The following SIRPG variants were observed in gnomAD, a reference collection of about 807,000 sequenced individuals.
The protein encoded by SIRPG is signal-regulatory protein gamma.
In SIRPG, 38 loss-of-function variants were observed where a neutral mutation model predicts 35.7. The ratio of observed to expected loss-of-function variants is 1.06; its 90% CI spans 0.82 to 1.40. The LOEUF (loss-of-function observed/expected upper bound fraction) is 1.40, where lower values mean the gene tolerates loss of function less well. Among genes scored for constraint, SIRPG ranks in the 40% most tolerant of loss-of-function variants. The pLI, the probability that SIRPG is intolerant of heterozygous loss-of-function variation, is 0.00. For missense variants in SIRPG, 519 were observed against 483.0 expected, an observed-to-expected ratio of 1.07 and a Z score of -0.70; for synonymous variants, 215 against 190.4, an observed-to-expected ratio of 1.13 and a Z score of -1.06.
chr20:1,654,895 G>C (rs1173885282), intron 1 of SIRPG, among the ~76,000 whole-genome samples: 1 of 152,108 alleles, frequency 6.6e-6, no homozygotes, highest in Non-Finnish European at 1.5e-5. Flanking sequence ...TTTCTCAGAA[G>C]AAGACATTAA....
intron 1 of SIRPG, among the ~76,000 whole-genome samples, chr20:1,655,477 G>A (rs1335470103): frequency 1.3e-5 from 2 of 152,040 alleles, no homozygotes; most frequent in Non-Finnish European, 2.9e-5. Flanking sequence ...AAAAAGTTGA[G>A]CTCATAGAAG....
At chr20:1,630,721 T>C (rs1479140068) in intron 4 of SIRPG, 3 of 178,198 alleles carry the variant, frequency 1.7e-5, no homozygotes, top group Non-Finnish European at 3.5e-5. Context: ...CTAGTGTTCC[T>C]TAGGTTGATC....
intron 4 of SIRPG, 128 bp downstream of exon 4, chr20:1,635,139 G>A (rs1295014420): frequency 2.9e-6 from 2 of 691,884 alleles, no homozygotes; most frequent in Non-Finnish European, 4.7e-6. Context: ...GTGGGATTTG[G>A]GGGGATGGAG....
chr20:1,644,661 T>C (rs2091883478), intron 2 of SIRPG, among the ~76,000 whole-genome samples: 1 of 152,210 alleles, frequency 6.6e-6, no homozygotes, highest in African/African-American at 2.4e-5. Context: ...GCTCTGCGGT[T>C]GATTGAGACC....
At chr20:1,671,116 T>C in the SIRPG span, 2 of 432,028 alleles carry the variant, frequency 4.6e-6, 1 homozygote, top group South Asian at 3.7e-5. Context: ...GGAGAAGCCG[T>C]GGGACTCACA....
the SIRPG span, among the ~76,000 whole-genome samples, chr20:1,677,981 G>C: frequency 1.1e-4 from 16 of 152,086 alleles, no homozygotes; most frequent in Admixed American, 1.0e-3. Flanking sequence ...ATGTTCATTT[G>C]CTTGACTATA....
chr20:1,683,894 A>G, the SIRPG span, among the ~76,000 whole-genome samples: 2 of 148,510 alleles, frequency 1.3e-5, no homozygotes, highest in African/African-American at 5.0e-5. Flanking sequence ...ACTTGAACCC[A>G]GGTGGTGGAG....
At chr20:1,682,858 A>G in the SIRPG span, among the ~76,000 whole-genome samples, 1 of 152,240 alleles carries the variant, frequency 6.6e-6, no homozygotes, top group African/African-American at 2.4e-5. Context: ...AAATTGAATT[A>G]CAACAAACTA....
intron 2 of SIRPG, among the ~76,000 whole-genome samples, chr20:1,638,805 G>T (rs756569422): frequency 3.7e-5 from 5 of 134,766 alleles, no homozygotes; most frequent in Non-Finnish European, 6.1e-5. Flanking sequence ...GGTGTGTGTT[G>T]TTCCCCTCCC....
At chr20:1,639,574 C>G (rs544512040) in intron 2 of SIRPG, among the ~76,000 whole-genome samples, 2 of 152,242 alleles carry the variant, frequency 1.3e-5, no homozygotes, top group South Asian at 4.1e-4. Flanking sequence ...TGTAGGTTGC[C>G]TGTTCACTCT....
At chr20:1,629,720 G>A (rs2091733786) in intron 5 of SIRPG, 84 bp from the exon 6 acceptor site, 1 of 157,306 alleles carries the variant, frequency 6.4e-6, no homozygotes, top group Admixed American at 6.3e-5. Context: ...CTCGGGGCTG[G>A]TCTCCTGGGA....
intron 2 of SIRPG, among the ~76,000 whole-genome samples, chr20:1,643,076 A>T (rs796704077): frequency 3.3e-5 from 5 of 152,162 alleles, no homozygotes; most frequent in African/African-American, 1.2e-4. Flanking sequence ...GGAGTATCTT[A>T]GTGGTGTTTT....
At chr20:1,669,406 A>G in the SIRPG span, among the ~76,000 whole-genome samples, 5 of 152,220 alleles carry the variant, frequency 3.3e-5, no homozygotes, top group Non-Finnish European at 7.3e-5. Flanking sequence ...TGCGGTTATT[A>G]TTGGTCAAAT....
At chr20:1,668,572 G>A in the SIRPG span, among the ~76,000 whole-genome samples, 36 of 152,100 alleles carry the variant, frequency 2.4e-4, no homozygotes, top group Admixed American at 1.1e-3. Flanking sequence ...GTGAGCCACC[G>A]CACCCAGCCT....
intron 1 of SIRPG, among the ~76,000 whole-genome samples, chr20:1,652,982 T>C (rs2091951023): frequency 6.6e-6 from 1 of 152,236 alleles, no homozygotes; most frequent in Admixed American, 6.5e-5. Flanking sequence ...ATCTTCTATT[T>C]TAGGTGGTTT....
the SIRPG span, among the ~76,000 whole-genome samples, chr20:1,681,432 TGGGG>T: frequency 1.3e-5 from 2 of 152,056 alleles, no homozygotes; most frequent in African/African-American, 4.8e-5. Flanking sequence ...GTGTGTGTGG[TGGGG>T]GGCAGGGGGT....
chr20:1,678,535 TA>T, the SIRPG span, among the ~76,000 whole-genome samples: 1 of 151,942 alleles, frequency 6.6e-6, no homozygotes, highest in African/African-American at 2.4e-5. Context: ...CAGTGAGGTA[TA>T]GATACAACAA....
At chr20:1,679,055 G>A in the SIRPG span, among the ~76,000 whole-genome samples, 8 of 152,270 alleles carry the variant, frequency 5.3e-5, no homozygotes, top group Non-Finnish European at 7.4e-5. Flanking sequence ...GGATCCTTGC[G>A]TGAATAGCAC....
the SIRPG span, among the ~76,000 whole-genome samples, chr20:1,665,070 G>A: frequency 1.3e-5 from 2 of 152,160 alleles, no homozygotes; most frequent in Non-Finnish European, 2.9e-5. Flanking sequence ...GAACAGCCTT[G>A]CTGTAACCCA....
Sources: gnomAD v4.1 joint callset for allele counts (sites outside exome capture counted in the v4.1 genomes callset) on GRCh38, gnomAD v4.1.1 for gene constraint, MANE v1.5 for transcripts, NCBI Gene and HGNC (gene_info 2026-07-23, HGNC 2026-07-21) for gene names.